Variants in NR2C1 observed in about 807,000 individuals in gnomAD.
The protein encoded by NR2C1 is TR2 nuclear hormone receptor.
Under a neutral mutation model 74.8 loss-of-function variants are expected in NR2C1, and 33 were observed. The ratio of observed to expected loss-of-function variants is 0.44; its 90% confidence interval spans 0.33 to 0.59. The LOEUF is 0.59. NR2C1 is among the 20% of genes least tolerant of loss of function. The pLI, the probability that NR2C1 is intolerant of heterozygous loss-of-function variation, is 0.02. For synonymous variants in NR2C1, 225 were observed against 240.6 expected (o/e 0.94, Z 0.60); for missense variants, 568 against 715.6 (o/e 0.79, Z 2.35).
intron 8 of NR2C1, among the ~76,000 whole-genome samples, chr12:95,050,347 C>T (rs148592142): frequency 1.2e-4 from 18 of 152,214 alleles, no homozygotes; most frequent in African/African-American, 2.6e-4. Context: ...CTCGTTTTGT[C>T]GCCCAGGCTA....
chr12:95,042,384 TG>T (rs1871664911), intron 9 of NR2C1, among the ~76,000 whole-genome samples: 1 of 152,056 alleles, frequency 6.6e-6, no homozygotes, highest in Non-Finnish European at 1.5e-5. Flanking sequence ...TAATTTTTTT[TG>T]TATTTTTAGT....
rs918331111 is a variant in NR2C1 at position 95,021,111 on chromosome 12, G to A, written c.*1118C>T. The A allele has an allele frequency of 7.2e-5, 11 of 152,124 alleles. No homozygotes were observed. Among genetic ancestry groups the A allele is most frequent in the African/African-American group, 2.4e-4 (10 of 41,432 alleles). The allele number at this position is 152,124 out of a possible 1,614,324, so 9.4% of individuals were successfully genotyped here. ...TCTAACTCAGGTCAGAAAAGTGGGA[G>A]AGAGATCAGATCCTTTTTATGGAAT... is the stretch of plus-strand genomic sequence containing the variant. On this transcript the variant is annotated 3_prime_UTR_variant, in exon 14 of 14. Coordinates refer to ENST00000333003, the MANE Select transcript of NR2C1 (RefSeq NM_003297.4).
rs1394162439 is a variant in NR2C1 at position 95,072,499 on chromosome 12, C to G, written c.-8+881G>C. 3 of 149,432 alleles carry G rather than the reference C, an allele frequency of 2.0e-5. No homozygotes were observed. In the East Asian group the frequency reaches 5.9e-4, roughly 29 times the overall value. 9.3% of individuals were successfully genotyped at this position (149,432 alleles called of 1,614,324 possible). ...AGAAAAAAAAATCGAGTATCACCAA[C>G]CACACAGCAGAAATGGTTCAAAAAA... On this transcript the variant is annotated intron_variant, in intron 1 of 13. Coordinates refer to ENST00000333003, the MANE Select transcript of NR2C1 (RefSeq NM_003297.4).
At chr12:95,052,984 ATTTGT>A (rs934693910) in intron 7 of NR2C1, among the ~76,000 whole-genome samples, 1 of 150,930 alleles carries the variant, frequency 6.6e-6, no homozygotes, top group Admixed American at 6.6e-5. Flanking sequence ...ATACTGATCT[ATTTGT>A]CTTTTTTTTT....
chr12:95,045,434 A>T (rs1470960562), intron 9 of NR2C1, among the ~76,000 whole-genome samples: 1 of 152,048 alleles, frequency 6.6e-6, no homozygotes, highest in Non-Finnish European at 1.5e-5. Context: ...ACAGGACAAG[A>T]TGGAAAAGAA....
In NR2C1 at chr12:95,022,329, T is replaced by C. The variant is rs532594408; in HGVS notation, c.1712A>G (p.Lys571Arg). The C allele has an allele frequency of 3.1e-6, 5 of 1,613,738 alleles. No individual in the cohort carries two copies. Among genetic ancestry groups the C allele is most frequent in the African/African-American group, 2.7e-5 (2 of 75,018 alleles). The change falls in exon 14 of 14, where the codon AAA becomes AGA. Residue 571 changes from lysine to arginine, a missense_variant. Lys to Arg is a conservative substitution (Grantham distance 26, BLOSUM62 2). Transcript: ENST00000333003. Reference protein sequence around the residue: ...NATITEELFFKGLIGNIRIDS... With the variant: ...NATITEELFFRGLIGNIRIDS... ...AATTCGTATATTGCCAATGAGACCT[T>C]TGAAAAACAATTCTTCAGTGATGGT...
At chr12:95,071,357 G>A (rs1876576167) in intron 1 of NR2C1, among the ~76,000 whole-genome samples, 1 of 152,138 alleles carries the variant, frequency 6.6e-6, no homozygotes, top group Non-Finnish European at 1.5e-5. Context: ...ATCTAAAGGT[G>A]CATTTTTCTA....
At chr12:95,050,588 C>A (rs1872850546) in intron 8 of NR2C1, among the ~76,000 whole-genome samples, 1 of 152,000 alleles carries the variant, frequency 6.6e-6, no homozygotes, top group Non-Finnish European at 1.5e-5. Flanking sequence ...GGATTACAGG[C>A]ATACGCCACC....
At chr12:95,048,641 T>TTTTTTTA (rs1872604462) in intron 9 of NR2C1, among the ~76,000 whole-genome samples, 1 of 150,100 alleles carries the variant, frequency 6.7e-6, no homozygotes, top group African/African-American at 2.5e-5. Flanking sequence ...TTTTTTTTTT[T>TTTTTTTA]GAGACAGAGT....
At chr12:95,064,101 G>A (rs992945378) in intron 2 of NR2C1, among the ~76,000 whole-genome samples, 6 of 149,754 alleles carry the variant, frequency 4.0e-5, no homozygotes, top group Non-Finnish European at 7.4e-5. Flanking sequence ...AGGCCGAGGC[G>A]GGCAACTCAT....
chr12:95,038,702 G>T (rs1871155200), intron 10 of NR2C1, among the ~76,000 whole-genome samples: 1 of 152,156 alleles, frequency 6.6e-6, no homozygotes, highest in Admixed American at 6.5e-5. Context: ...AGATTGCAGT[G>T]AGCCGAGATC....
chr12:95,039,701 G>C (rs1456646196), intron 10 of NR2C1, among the ~76,000 whole-genome samples: 1 of 152,208 alleles, frequency 6.6e-6, no homozygotes, highest in African/African-American at 2.4e-5. Flanking sequence ...ATGTGATCAT[G>C]GCTTATTTCA....
intron 11 of NR2C1, chr12:95,030,925 A>C: frequency 7.2e-7 from 1 of 1,379,902 alleles, no homozygotes; most frequent in Non-Finnish European, 1.0e-6. Flanking sequence ...CTTCAGAACT[A>C]TTTAGGTGAG....
chr12:95,042,582 G>A (rs982449894), intron 9 of NR2C1, among the ~76,000 whole-genome samples: 4 of 152,064 alleles, frequency 2.6e-5, no homozygotes, highest in Non-Finnish European at 5.9e-5. Context: ...TAAAAGGCTT[G>A]AGGTTTGAAA....
intron 7 of NR2C1, among the ~76,000 whole-genome samples, chr12:95,053,085 GTGA>G (rs1199915433): frequency 6.6e-6 from 1 of 151,662 alleles, no homozygotes; most frequent in African/African-American, 2.4e-5. Context: ...CTGGGTTCAA[GTGA>G]TCTTCCCACC....
intron 10 of NR2C1, among the ~76,000 whole-genome samples, chr12:95,036,880 T>C (rs895521617): frequency 6.6e-6 from 1 of 152,170 alleles, no homozygotes; most frequent in African/African-American, 2.4e-5. Context: ...TTTATTTTCA[T>C]AAAGGAATAT....
In NR2C1 at chr12:95,049,121, T is replaced by A; in HGVS notation, c.1078A>T (p.Asn360Tyr). The A allele has an allele frequency of 6.2e-7, 1 of 1,614,112 alleles. No individual in the cohort carries two copies. The highest frequency in any genetic ancestry group is 8.5e-7 in the Non-Finnish European group (1 of 1,179,984). The change falls in exon 9 of 14, where the codon AAT becomes TAT. Residue 360 changes from asparagine (N) to tyrosine (Y), a missense_variant. Asn to Tyr is a moderately radical substitution (Grantham distance 143). Around this residue, in one of 6 missense-constraint regions of NR2C1, gnomAD observed 239 missense variants for 232.3 expected, o/e 1.03. Coordinates refer to ENST00000333003, the MANE Select transcript of NR2C1 (RefSeq NM_003297.4). ...VHLITGDSSI[N>Y]YTEKEGPLLS... ...AGTGGCCCCTCTTTTTCGGTGTAAT[T>A]TATGCTTGAATCTCCAGTGATTAGG... is the stretch of plus-strand genomic sequence containing the variant.
intron 10 of NR2C1, among the ~76,000 whole-genome samples, chr12:95,035,264 G>A (rs1470115878): frequency 6.6e-6 from 1 of 152,118 alleles, no homozygotes; most frequent in Non-Finnish European, 1.5e-5. Flanking sequence ...TAACAGTGGG[G>A]TTAGTTACCT....
intron 10 of NR2C1, among the ~76,000 whole-genome samples, chr12:95,032,793 C>T (rs953535533): frequency 3.3e-5 from 5 of 152,166 alleles, no homozygotes; most frequent in East Asian, 3.9e-4. Context: ...CATGGCGAAA[C>T]TCTATCTCTA....
Sources: gnomAD v4.1 joint callset for allele counts (sites outside exome capture counted in the v4.1 genomes callset) on GRCh38, gnomAD v4.1.1 for gene constraint, gnomAD v4.1.1 regional missense constraint, MANE v1.5 for transcripts, NCBI Gene and HGNC (gene_info 2026-07-23, HGNC 2026-07-21) for gene names.